Variants in FRY observed in about 807,000 individuals in gnomAD.
FRY encodes FRY microtubule binding protein, also known as protein furry homolog.
A neutral mutation model predicts 348.4 loss-of-function variants in FRY; 128 were observed. The observed-to-expected ratio is 0.37, with a 90% CI of 0.32 to 0.43. The LOEUF (loss-of-function observed/expected upper bound fraction) is 0.43. Among genes scored for constraint, FRY ranks in the 20% least tolerant of loss-of-function variants. FRY has a pLI of 1.00. For synonymous variants in FRY, 1,370 were observed against 1,374.7 expected (o/e 1.00, Z 0.08); for missense variants, 2,736 against 3,695.2 (o/e 0.74, Z 6.73).
chr13:32,151,817 A>C (rs1880812652), intron 14 of FRY, among the ~76,000 whole-genome samples: 2 of 152,220 alleles, frequency 1.3e-5, no homozygotes, highest in East Asian at 3.8e-4. Context: ...GGCAAGAAGA[A>C]GAAATAAAAG....
chr13:32,155,739 A>T, intron 15 of FRY, 77 bp downstream of exon 15: 1 of 966,022 alleles, frequency 1.0e-6, no homozygotes, highest in Non-Finnish European at 1.5e-6. Flanking sequence ...CTTTAGTGAG[A>T]TGCAGTTTTT....
At chr13:32,152,062 A>G (rs1169492912) in intron 14 of FRY, among the ~76,000 whole-genome samples, 1 of 152,238 alleles carries the variant, frequency 6.6e-6, no homozygotes, top group Admixed American at 6.5e-5. Flanking sequence ...AATATGTGCA[A>G]TATTTTAATA....
chr13:32,274,401 T>A (rs1275179660), intron 55 of FRY, among the ~76,000 whole-genome samples: 2 of 152,060 alleles, frequency 1.3e-5, no homozygotes, highest in Non-Finnish European at 2.9e-5. Context: ...ACATATACAA[T>A]TTTTATGTCA....
chr13:32,073,229 T>C (rs991671574), intron 1 of FRY, among the ~76,000 whole-genome samples: 3 of 152,194 alleles, frequency 2.0e-5, no homozygotes, highest in Non-Finnish European at 2.9e-5. Flanking sequence ...TCATTGGGCA[T>C]TTTAGTTCAT....
chr13:32,253,422 G>A (rs560602206), intron 50 of FRY, among the ~76,000 whole-genome samples: 2 of 152,208 alleles, frequency 1.3e-5, no homozygotes, highest in East Asian at 3.9e-4. Context: ...GGACAACTAA[G>A]ACATTATAAT....
intron 35 of FRY, among the ~76,000 whole-genome samples, chr13:32,216,582 C>T (rs748073408): frequency 1.8e-4 from 28 of 152,214 alleles, no homozygotes; most frequent in African/African-American, 2.7e-4. Context: ...GCTCTCCACC[C>T]GACGGAAACC....
chr13:32,082,232 A>AAC (rs757197879), intron 2 of FRY, among the ~76,000 whole-genome samples: 8 of 151,528 alleles, frequency 5.3e-5, no homozygotes, highest in Non-Finnish European at 1.2e-4. Flanking sequence ...AAAAAAAAAA[A>AAC]AAAAAACAGG....
chr13:32,273,198 C>A (rs143598799), intron 55 of FRY, among the ~76,000 whole-genome samples: 297 of 151,634 alleles, frequency 2.0e-3, no homozygotes, highest in African/African-American at 6.9e-3. Flanking sequence ...AGTTGCATGA[C>A]CTTAAGCGAG....
intron 43 of FRY, among the ~76,000 whole-genome samples, chr13:32,236,557 C>G (rs2138451677): frequency 6.6e-6 from 1 of 152,066 alleles, no homozygotes; most frequent in Non-Finnish European, 1.5e-5. Flanking sequence ...TGAATATATA[C>G]AAAGCTTCTG....
rs569420947 is a variant in FRY, at chr13:32,043,957, GC to G, written c.70+12094del. 2.2e-3 allele frequency among the ~76,000 whole-genome samples: 201 copies of G among 92,752 alleles called. 1 individual carries two copies. Among genetic ancestry groups the G allele is most frequent in the African/African-American group, 6.8e-3 (168 of 24,832 alleles). 60.8% of individuals were successfully genotyped at this position (92,752 alleles called of 152,430 possible). ...CACCTGTAATCCTAGTTCTTCAGGA[GC>G]CTGAAATGGGAGAAGTGCTTGAGGC... On this transcript the variant is annotated intron_variant, in intron 1 of 60. Coordinates refer to ENST00000542859, the MANE Select transcript of FRY (RefSeq NM_023037.3).
chr13:32,210,791 G>A, intron 33 of FRY, 75 bp from the exon 34 acceptor site: 1 of 1,191,012 alleles, frequency 8.4e-7, no homozygotes, highest in African/African-American at 1.5e-5. Context: ...TTATCTAAAT[G>A]AGAGGTTTAC....
rs999975033 is a variant in FRY, at chr13:32,210,886, C to T, written c.4443C>T (p.Tyr1481=). 1.1e-5 allele frequency: 17 copies of T among 1,613,792 alleles called. No individual in the cohort carries two copies. The highest frequency in any genetic ancestry group is 1.3e-5 in the African/African-American group (1 of 74,912). ...LLPYIKKVAI[Y]LCRNNTIQTM... is the part of the protein sequence containing the mutation. ...CTCAGATTAAAAAAGTGGCAATATA[C>T]TTGTGCCGTAACAACACCATTCAAA... is the stretch of plus-strand genomic sequence containing the variant. Residue 1481 remains tyrosine, a synonymous_variant, in exon 34 of 61, where the codon TAC becomes TAT. Coordinates refer to ENST00000542859, the MANE Select transcript of FRY (RefSeq NM_023037.3).
Position 32,194,351 on chromosome 13 carries a change from T to A in FRY, c.3746+54T>A, listed in dbSNP as rs936913505. ...GGCAAGTATGTTTAGGGTTACTTTT[T>A]GTGATATGAATGACGGAGAGCTGTT... On this transcript the variant is annotated intron_variant, in intron 29 of 60. Transcript: ENST00000542859. 6.6e-6 allele frequency: 10 copies of A among 1,516,132 alleles called. No homozygotes were observed. In the African/African-American group the frequency reaches 1.4e-4, roughly 21 times the overall value. The allele number at this position is 1,516,132 out of a possible 1,614,324, so 93.9% of individuals were successfully genotyped here. A position where few individuals can be genotyped will look rare whatever the true frequency, so the allele number is the denominator to read the frequency against.
At chr13:32,174,040 T>C (rs887785588) in intron 19 of FRY, among the ~76,000 whole-genome samples, 2 of 152,230 alleles carry the variant, frequency 1.3e-5, no homozygotes, top group African/African-American at 4.8e-5. Flanking sequence ...TTATTAAGCA[T>C]GATCAATGCC....
At position 32,247,363 on chromosome 13, in the gene FRY, T is replaced by C. The variant is rs1399719915; in HGVS notation, c.6869T>C (p.Val2290Ala). ...WREALNILKL[V>A]VSRSASLVLP... is the part of the protein sequence containing the mutation. ...GAAGCTCTGAATATCTTGAAGCTGG[T>C]AGTTTCTCGGTCAGCCAGCCTTGTT... Residue 2290 changes from valine (V) to alanine (A), a missense_variant, in exon 48 of 61, where the codon GTA (valine) becomes GCA (alanine). Around this residue, in one of 9 missense-constraint regions of FRY, gnomAD observed 789 missense variants for 996.2 expected, o/e 0.79. Coordinates refer to ENST00000542859, the MANE Select transcript of FRY (RefSeq NM_023037.3). 1 of 1,613,650 alleles carries C rather than the reference T, an allele frequency of 6.2e-7. No individual in the cohort carries two copies. Among genetic ancestry groups the C allele is most frequent in the African/African-American group, 1.3e-5 (1 of 74,932 alleles).
intron 2 of FRY, among the ~76,000 whole-genome samples, chr13:32,099,553 C>T (rs1437756021): frequency 1.3e-5 from 2 of 151,950 alleles, no homozygotes; most frequent in African/African-American, 2.4e-5. Flanking sequence ...ATTTTGAAAA[C>T]GTATAATACA....
chr13:32,208,919 C>A lies in FRY; in HGVS notation c.4085C>A (p.Pro1362His). ...CAGATCATGCTTACCTACCTGCTGC[C>A]CTGGCTGCACAACATCGAGCTGGTG... ...GRQIMLTYLL[P>H]WLHNIELVDS... is the part of the protein sequence containing the mutation. The change falls in exon 32 of 61, where the codon CCC (proline) becomes CAC (histidine). Residue 1362 changes from proline (P) to histidine (H), a missense_variant. By Grantham distance (77) the Pro-to-His change is moderately conservative (BLOSUM62 -2). This residue lies in a region of FRY where 794 missense variants were observed against 977.0 expected (regional missense o/e 0.81). Transcript: ENST00000542859. 1 of 1,614,166 alleles carries A rather than the reference C, an allele frequency of 6.2e-7. No individual in the cohort carries two copies. The highest frequency in any genetic ancestry group is 8.5e-7 in the Non-Finnish European group (1 of 1,180,020).
chr13:32,133,142 T>A (rs1387991948), intron 8 of FRY, among the ~76,000 whole-genome samples: 1 of 152,192 alleles, frequency 6.6e-6, no homozygotes, highest in Non-Finnish European at 1.5e-5. Flanking sequence ...ACAACTGTGA[T>A]TATACTAAAA....
At chr13:32,180,211 C>T (rs1045080923) in intron 23 of FRY, among the ~76,000 whole-genome samples, 5 of 152,114 alleles carry the variant, frequency 3.3e-5, no homozygotes, top group African/African-American at 1.2e-4. Context: ...TGTTCAGTTC[C>T]ATTGGTTGAT....
Sources: gnomAD v4.1 joint callset for allele counts (sites outside exome capture counted in the v4.1 genomes callset) on GRCh38, gnomAD v4.1.1 for gene constraint, gnomAD v4.1.1 regional missense constraint, MANE v1.5 for transcripts, NCBI Gene and HGNC (gene_info 2026-07-23, HGNC 2026-07-21) for gene names.